The following AARS1 variants were observed in gnomAD, a reference collection of about 807,000 sequenced individuals.
AARS1 encodes alanyl-tRNA synthetase 1.
Under a neutral mutation model 108.9 loss-of-function variants are expected in AARS1, and 72 were observed. The ratio of observed to expected loss-of-function variants is 0.66; its 90% CI spans 0.55 to 0.80. The LOEUF is 0.80. Ranked by LOEUF, AARS1 falls within the 30% of genes least tolerant of loss-of-function variation. The probability of loss-of-function intolerance (pLI) is 0.00; values close to 1 mark genes in which losing one functional copy is unlikely to be tolerated. For missense variants in AARS1, 1,193 were observed against 1,233.2 expected (o/e 0.97, Z 0.49); for synonymous variants, 489 against 465.7 (o/e 1.05, Z -0.64).
intron 2 of AARS1, among the ~76,000 whole-genome samples, chr16:70,277,422 A>G (rs1229907498): frequency 2.0e-5 from 3 of 152,206 alleles, no homozygotes; most frequent in Non-Finnish European, 4.4e-5. Flanking sequence ...TGCCAGATCT[A>G]ACAGCCACAG....
intron 1 of AARS1, 124 bp downstream of exon 1, chr16:70,289,297 G>A (rs1461117085): frequency 5.8e-6 from 2 of 346,552 alleles, no homozygotes; most frequent in Non-Finnish European, 1.1e-5. Context: ...CTCCAGCCCA[G>A]ACTGGGCTTC....
At chr16:70,279,683 A>AAG (rs1300980144) in intron 2 of AARS1, among the ~76,000 whole-genome samples, 18 of 147,734 alleles carry the variant, frequency 1.2e-4, no homozygotes, top group African/African-American at 4.4e-4. Context: ...AAAAAAAAAA[A>AAG]AAAAGAAAAG....
At chr16:70,254,586 G>T in intron 17 of AARS1, 35 bp downstream of exon 17, 1 of 1,402,018 alleles carries the variant, frequency 7.1e-7, no homozygotes, top group Non-Finnish European at 1.0e-6. Context: ...TCATGCACCA[G>T]GCCCTGAGGA....
intron 9 of AARS1, 81 bp downstream of exon 9, chr16:70,267,578 C>G: frequency 6.4e-7 from 1 of 1,550,398 alleles, no homozygotes; most frequent in Non-Finnish European, 8.9e-7. Context: ...TGAGAGCCCA[C>G]AGTCAGTCTG....
chr16:70,255,803 A>G lies in AARS1; in HGVS notation c.2211T>C (p.Phe737=). The G allele has an allele frequency of 1.9e-6, 3 of 1,614,142 alleles. No individual in the cohort carries two copies. The highest frequency in any genetic ancestry group is 2.5e-6 in the Non-Finnish European group (3 of 1,180,018). ...HLRNSSHAGA[F]VIVTEEAIAK... is the part of the protein sequence containing the mutation. The stretch of plus-strand genomic sequence containing the variant: ...CAATGGCTTCTTCCGTCACGATCAC[A>G]AAAGCTCCTGCATGACTCGAGTTCC... Residue 737 remains phenylalanine (F), a synonymous_variant, in exon 16 of 21, where the codon TTT becomes TTC. Transcript: ENST00000261772.
rs377576408 is a variant in AARS1, at chr16:70,254,049, T to A, written c.2401-11A>T. The A allele has an allele frequency of 8.1e-6, 13 of 1,613,580 alleles. No individual in the cohort carries two copies. In the African/African-American group the frequency reaches 1.6e-4, roughly 20 times the overall value. On this transcript the variant is annotated splice_polypyrimidine_tract_variant and intron_variant, in intron 17 of 20. Transcript: ENST00000261772. ...TGCAGTGGCCAGGGCCTGGAACCAA[T>A]AGACGACCATCTCAATCTGGGCCAC...
At chr16:70,256,324 A>T (rs1473312635) in intron 15 of AARS1, among the ~76,000 whole-genome samples, 1 of 152,098 alleles carries the variant, frequency 6.6e-6, no homozygotes, top group African/African-American at 2.4e-5. Context: ...GTTTGTTTTG[A>T]GACAGAGTCC....
Position 70,282,792 on chromosome 16 carries a change from A to G in AARS1, c.-21-8T>C. Reference sequence around the variant, plus strand: ...GAAAGTCACCCCAAAGAACTAATCAAAGAAAAAAAAATGAAGGAAAATTAA... The same window carrying G: ...GAAAGTCACCCCAAAGAACTAATCAGAGAAAAAAAAATGAAGGAAAATTAA... On this transcript the variant is annotated splice_polypyrimidine_tract_variant and splice_region_variant and intron_variant, in intron 1 of 20. Coordinates refer to ENST00000261772, the MANE Select transcript of AARS1 (RefSeq NM_001605.3). 6.2e-7 allele frequency: 1 copy of G among 1,613,338 alleles called. No individual in the cohort carries two copies. Among genetic ancestry groups the G allele is most frequent in the Non-Finnish European group, 8.5e-7 (1 of 1,179,406 alleles).
At chr16:70,289,258 G>A (rs1960967496) in intron 1 of AARS1, among the ~76,000 whole-genome samples, 163 bp downstream of exon 1, 1 of 152,058 alleles carries the variant, frequency 6.6e-6, no homozygotes, top group African/African-American at 2.4e-5. Flanking sequence ...TCCCGGGGGC[G>A]AACGCAAGGC....
rs755027471 is a variant in AARS1 at position 70,261,103 on chromosome 16, T to G, written c.1726A>C (p.Ile576Leu). The G allele has an allele frequency of 1.1e-5, 18 of 1,613,822 alleles. No homozygotes were observed. Among genetic ancestry groups the G allele is most frequent in the Non-Finnish European group, 1.4e-5 (17 of 1,179,898 alleles). ...TTCAGGTCACCGTAGATGGTTCCAA[T>G]GTGTAGCACATACCCTCCTCGGACC... Reference protein sequence around the residue: ...AQVRGGYVLHIGTIYGDLKVG... With the variant: ...AQVRGGYVLHLGTIYGDLKVG... The change falls in exon 13 of 21, where the codon ATT (isoleucine) becomes CTT (leucine). Residue 576 changes from isoleucine to leucine, a missense_variant. Ile to Leu is a conservative substitution (Grantham distance 5). Coordinates refer to ENST00000261772, the MANE Select transcript of AARS1 (RefSeq NM_001605.3).
intron 6 of AARS1, 34 bp downstream of exon 6, chr16:70,270,162 C>A (rs368025577): frequency 1.2e-6 from 2 of 1,613,486 alleles, no homozygotes; most frequent in African/African-American, 2.7e-5. Flanking sequence ...GAAAACTCCA[C>A]AGAAGTTTAC....
intron 11 of AARS1, among the ~76,000 whole-genome samples, chr16:70,262,966 T>TTAAAA (rs1567604849): frequency 2.1e-4 from 1 of 4,704 alleles, no homozygotes; most frequent in Non-Finnish European, 3.5e-4. Context: ...AGACTCGGTC[T>TTAAAA]CAAAAAAAAA....
Position 70,282,654 on chromosome 16 carries a change from G to A in AARS1, c.110C>T (p.Pro37Leu). 1 of 1,614,162 alleles carries A rather than the reference G, an allele frequency of 6.2e-7. No individual in the cohort carries two copies. The highest frequency in any genetic ancestry group is 2.2e-5 in the East Asian group (1 of 44,888). ...GCCTGCATTGGCAAAGAGCAAAGTG[G>A]GGTCATCCAATGGGATGGTGGCAGA... Reference protein sequence around the residue: ...HSSATIPLDDPTLLFANAGMN... With the variant: ...HSSATIPLDDLTLLFANAGMN... Residue 37 changes from proline to leucine, a missense_variant, in exon 2 of 21, where the codon CCC (proline) becomes CTC (leucine). By Grantham distance (98) the Pro-to-Leu change is moderately conservative. Coordinates refer to ENST00000261772, the MANE Select transcript of AARS1 (RefSeq NM_001605.3).
Position 70,253,316 on chromosome 16 carries a change from C to T in AARS1, c.2673G>A (p.Thr891=), listed in dbSNP as rs762556251. 17 of 1,614,182 alleles carry T rather than the reference C, an allele frequency of 1.1e-5. No individual in the cohort carries two copies. Among genetic ancestry groups the T allele is most frequent in the Middle Eastern group, 1.6e-4 (1 of 6,062 alleles). The change falls in exon 20 of 21, where the codon ACG becomes ACA. Residue 891 remains threonine (T), a synonymous_variant. Coordinates refer to ENST00000261772, the MANE Select transcript of AARS1 (RefSeq NM_001605.3). ...TGATCTTGCCAGCCTCATTGTCCAC[C>T]GTGAAGAGCATGGCAGAAGTCTGAG... ...HSPQTSAMLF[T]VDNEAGKITC...
At chr16:70,269,539 CAAAGA>C in intron 7 of AARS1, 74 bp downstream of exon 7, 1 of 1,592,568 alleles carries the variant, frequency 6.3e-7, no homozygotes, top group Non-Finnish European at 8.5e-7. Context: ...ATCTCACACA[CAAAGA>C]AAAGTTTCAT....
In AARS1 at chr16:70,267,807, T is replaced by A. The variant is rs1555541137; in HGVS notation, c.1074A>T (p.Gly358=). ...TLVDVVVQSL[G]DAFPELKKDP... ...CCTTCTTCAGCTCAGGAAATGCATC[T>A]CCCTGACAAAGGGGAAGCAAGATGA... Residue 358 remains glycine (G), a splice_region_variant and synonymous_variant, in exon 9 of 21, where the codon GGA becomes GGT. Coordinates refer to ENST00000261772, the MANE Select transcript of AARS1 (RefSeq NM_001605.3). 1.2e-5 allele frequency: 20 copies of A among 1,614,106 alleles called. No homozygotes were observed. Among genetic ancestry groups the A allele is most frequent in the Non-Finnish European group, 1.7e-5 (20 of 1,180,016 alleles).
At chr16:70,283,716 C>A (rs1262907211) in intron 1 of AARS1, among the ~76,000 whole-genome samples, 1 of 152,158 alleles carries the variant, frequency 6.6e-6, no homozygotes, top group African/African-American at 2.4e-5. Flanking sequence ...CCTATCTGTA[C>A]AAGGGACCAC....
chr16:70,286,796 G>C (rs1360431802), intron 1 of AARS1, among the ~76,000 whole-genome samples: 1 of 151,266 alleles, frequency 6.6e-6, no homozygotes. Context: ...AATGAGCCAA[G>C]ATCAACTGCA....
Position 70,287,668 on chromosome 16 carries a change from A to G in AARS1, c.-22+1753T>C, listed in dbSNP as rs143642207. Reference sequence around the variant, plus strand: ...TGAGTCCAAAGGGTCGCTTGAGCACATAAGTTTGAGGCTGCAGTGAGCTAT... The same window carrying G: ...TGAGTCCAAAGGGTCGCTTGAGCACGTAAGTTTGAGGCTGCAGTGAGCTAT... On this transcript the variant is annotated intron_variant, in intron 1 of 20. Transcript: ENST00000261772. Among the ~76,000 whole-genome samples the G allele has an allele frequency of 6.6e-5, 10 of 152,074 alleles. No homozygotes were observed. In the South Asian group the frequency reaches 1.0e-3, roughly 16 times the overall value.
Sources: allele counts gnomAD v4.1 joint callset (sites outside exome capture counted in the v4.1 genomes callset), GRCh38; gene constraint gnomAD v4.1.1; transcripts MANE v1.5; gene names NCBI Gene and HGNC (gene_info 2026-07-23, HGNC 2026-07-21).